Variants in PHACTR3 observed in about 807,000 individuals in gnomAD.
The protein encoded by PHACTR3 is phosphatase and actin regulator 3.
PHACTR3 carries 16 observed loss-of-function variants against 66.8 expected under a neutral mutation model. The ratio of observed to expected loss-of-function variants is 0.24; its 90% CI spans 0.16 to 0.36. The LOEUF is 0.36. Ranked by LOEUF, PHACTR3 falls within the 10% of genes least tolerant of loss-of-function variation. PHACTR3 has a pLI of 1.00. For synonymous variants in PHACTR3, 323 were observed against 292.1 expected (o/e 1.11, Z -1.08); for missense variants, 647 against 719.9 (o/e 0.90, Z 1.16).
At chr20:59,675,561 A>G (rs528007467) in intron 1 of PHACTR3, among the ~76,000 whole-genome samples, 1 of 152,322 alleles carries the variant, frequency 6.6e-6, no homozygotes, top group Admixed American at 6.5e-5. Flanking sequence ...GTTATGGAGT[A>G]GGGGTCCTGG....
intron 1 of PHACTR3, among the ~76,000 whole-genome samples, chr20:59,618,021 AG>A (rs1231177795): frequency 6.6e-6 from 1 of 151,986 alleles, no homozygotes; most frequent in African/African-American, 2.4e-5. Flanking sequence ...GGGCTTGTGG[AG>A]GGGTTGGCAT....
chr20:59,632,709 A>G (rs1884892), intron 1 of PHACTR3, among the ~76,000 whole-genome samples: 114,618 of 152,112 alleles, frequency 0.75, 43,333 homozygotes, highest in East Asian at 0.9. Flanking sequence ...TCTGATTATT[A>G]CAGGGACTTA....
At chr20:59,605,296 G>A (rs1483076306) in intron 1 of PHACTR3, among the ~76,000 whole-genome samples, 164 bp downstream of exon 1, 1 of 152,170 alleles carries the variant, frequency 6.6e-6, no homozygotes, top group Non-Finnish European at 1.5e-5. Context: ...CAGGGCTGGG[G>A]CGCCTCGGAG....
intron 7 of PHACTR3, among the ~76,000 whole-genome samples, chr20:59,778,111 T>C (rs369988122): frequency 6.2e-4 from 95 of 152,264 alleles, no homozygotes; most frequent in African/African-American, 1.7e-3. Context: ...GCCAACTCCC[T>C]CTTCTCTGGC....
Position 59,617,970 on chromosome 20 carries a change from A to G in PHACTR3, c.118+12838A>G, listed in dbSNP as rs570870586. On this transcript the variant is annotated intron_variant, in intron 1 of 12. Coordinates refer to ENST00000371015, the MANE Select transcript of PHACTR3 (RefSeq NM_080672.5). ...TTGGATCACATCAGCTCATAGGCGAATGCCCCATCCAGCTGTGGGGAGGCT... is the reference window on the plus strand; with the variant it reads ...TTGGATCACATCAGCTCATAGGCGAGTGCCCCATCCAGCTGTGGGGAGGCT... 7.2e-5 allele frequency among the ~76,000 whole-genome samples: 11 copies of G among 152,336 alleles called. No homozygotes were observed. In the South Asian group the frequency reaches 2.3e-3, roughly 32 times the overall value.
chr20:59,643,850 C>T (rs1173546518), intron 1 of PHACTR3, among the ~76,000 whole-genome samples: 1 of 152,192 alleles, frequency 6.6e-6, no homozygotes, highest in African/African-American at 2.4e-5. Flanking sequence ...TGCCTCGCCT[C>T]CTGTAGTCAC....
At chr20:59,753,638 C>G (rs916548974) in intron 3 of PHACTR3, among the ~76,000 whole-genome samples, 1 of 152,226 alleles carries the variant, frequency 6.6e-6, no homozygotes, top group African/African-American at 2.4e-5. Flanking sequence ...CAGACACATT[C>G]CATACCCTAG....
chr20:59,803,425 A>T (rs562778446), intron 7 of PHACTR3, among the ~76,000 whole-genome samples: 1 of 152,088 alleles, frequency 6.6e-6, no homozygotes, highest in African/African-American at 2.4e-5. Context: ...CTAAGCAATG[A>T]CTTCTTTTTT....
At chr20:59,723,875 T>C (rs533144267) in intron 1 of PHACTR3, among the ~76,000 whole-genome samples, 1 of 152,200 alleles carries the variant, frequency 6.6e-6, no homozygotes, top group Admixed American at 6.5e-5. Context: ...GACTAGGTCT[T>C]TGTGGTCTGC....
In PHACTR3 at chr20:59,658,215, T is replaced by G. The variant is rs529196336; in HGVS notation, c.118+53083T>G. Among the ~76,000 whole-genome samples, 1,362 of 152,282 alleles carry G rather than the reference T, an allele frequency of 8.9e-3. 27 individuals are homozygous for G. The highest frequency in any genetic ancestry group is 0.031 in the African/African-American group (1,281 of 41,566). On this transcript the variant is annotated intron_variant, in intron 1 of 12. Transcript: ENST00000371015. ...TCTATTTGCCAACATACCTTCTCTT[T>G]CCTCTTTAACAGTGTACATATTTAT...
intron 1 of PHACTR3, among the ~76,000 whole-genome samples, chr20:59,707,064 T>C (rs904236584): frequency 6.6e-6 from 1 of 152,206 alleles, no homozygotes; most frequent in African/African-American, 2.4e-5. Flanking sequence ...CTGGTGTAAA[T>C]GAAGAGAGGC....
rs1404067073 is a variant in PHACTR3 at position 59,830,980 on chromosome 20, G to A, written c.1329-5525G>A. Among the ~76,000 whole-genome samples the A allele has an allele frequency of 2.0e-5, 3 of 152,124 alleles. No individual in the cohort carries two copies. Among genetic ancestry groups the A allele is most frequent in the African/African-American group, 7.2e-5 (3 of 41,428 alleles). On this transcript the variant is annotated intron_variant, in intron 8 of 12. Transcript: ENST00000371015. This position sits in a 1 kb window ranked among gnomAD's most constrained non-coding sequence, Gnocchi z 5.8. ...CCTCTCCAGGCGTCCTGACTGTCCA[G>A]GCTGTCGGCGGTCTCATCAGCTCCA...
chr20:59,708,239 G>A (rs774829199), intron 1 of PHACTR3, among the ~76,000 whole-genome samples: 1 of 152,228 alleles, frequency 6.6e-6, no homozygotes. Flanking sequence ...ACGTGCTACT[G>A]TAGTGATCTG....
chr20:59,803,267 A>C (rs145390083), intron 7 of PHACTR3, among the ~76,000 whole-genome samples: 3 of 152,192 alleles, frequency 2.0e-5, no homozygotes, highest in African/African-American at 7.2e-5. Flanking sequence ...TGGAATAAAC[A>C]TTCCTTGTTT....
intron 1 of PHACTR3, among the ~76,000 whole-genome samples, chr20:59,579,876 G>A (rs902438759): frequency 1.3e-5 from 2 of 152,178 alleles, no homozygotes; most frequent in African/African-American, 4.8e-5. Flanking sequence ...CTGTTTATGG[G>A]GGTGTGGAAG....
intron 1 of PHACTR3, among the ~76,000 whole-genome samples, chr20:59,725,258 T>C (rs2038520243): frequency 6.7e-6 from 1 of 148,252 alleles, no homozygotes; most frequent in Non-Finnish European, 1.5e-5. Context: ...TGAGCCCAGG[T>C]GTCCTGTGTG....
intron 8 of PHACTR3, among the ~76,000 whole-genome samples, chr20:59,819,720 C>T (rs2041980432): frequency 6.6e-6 from 1 of 151,636 alleles, no homozygotes; most frequent in Non-Finnish European, 1.5e-5. Flanking sequence ...CCAGTACTGG[C>T]CACCCGTCAA....
intron 3 of PHACTR3, among the ~76,000 whole-genome samples, chr20:59,754,600 T>C (rs1190371283): frequency 2.0e-5 from 3 of 152,012 alleles, no homozygotes; most frequent in Non-Finnish European, 4.4e-5. Context: ...CAGAGGTGAG[T>C]TGGTTCTCTG....
At chr20:59,776,147 C>G (rs1218713286) in intron 7 of PHACTR3, among the ~76,000 whole-genome samples, 1 of 152,228 alleles carries the variant, frequency 6.6e-6, no homozygotes, top group Non-Finnish European at 1.5e-5. Context: ...ACTGCTTCCT[C>G]TTGACATTGA....
Sources: gnomAD v4.1 joint callset for allele counts (sites outside exome capture counted in the v4.1 genomes callset) on GRCh38, gnomAD v4.1.1 for gene constraint, Gnocchi (gnomAD v3.1) non-coding constraint, MANE v1.5 for transcripts, NCBI Gene and HGNC (gene_info 2026-07-23, HGNC 2026-07-21) for gene names.